Variants in MRTFA observed in about 807,000 individuals in gnomAD.
MRTFA encodes the protein myocardin-related transcription factor A.
Under a neutral mutation model 83.5 loss-of-function variants are expected in MRTFA, and 20 were observed. The ratio of observed to expected loss-of-function variants is 0.24; its 90% CI spans 0.17 to 0.35. The LOEUF (loss-of-function observed/expected upper bound fraction) is 0.35. Ranked by LOEUF, MRTFA falls within the 10% of genes least tolerant of loss-of-function variation. The pLI, the probability that MRTFA is intolerant of heterozygous loss-of-function variation, is 1.00. For synonymous variants in MRTFA, 659 were observed against 541.2 expected (o/e 1.22, Z -3.02); for missense variants, 1,200 against 1,224.7 (o/e 0.98, Z 0.30).
At chr22:40,422,165 G>A (rs1041767847) in intron 9 of MRTFA, among the ~76,000 whole-genome samples, 33 of 151,994 alleles carry the variant, frequency 2.2e-4, no homozygotes, top group Admixed American at 5.9e-4. Context: ...GCAGAGAGGA[G>A]GCAGAGGGCA....
At position 40,410,520 on chromosome 22, in the gene MRTFA, T is replaced by G. The variant is rs967012443; in HGVS notation, c.*870A>C. The G allele has an allele frequency of 8.6e-6, 2 of 233,140 alleles. No homozygotes were observed. The highest frequency in any genetic ancestry group is 4.4e-5 in the African/African-American group (2 of 45,288). The allele number at this position is 233,140 out of a possible 1,614,324, so 14.4% of individuals were successfully genotyped here. ...GCAGTGAGGCGGCGGGGACGGAATG[T>G]GAGTGGGTGGAGAGCTCCTGGCAGG... On this transcript the variant is annotated 3_prime_UTR_variant, in exon 15 of 15. Coordinates refer to ENST00000355630, the MANE Select transcript of MRTFA (RefSeq NM_020831.6).
chr22:40,555,167 G>C (rs1037636989), intron 2 of MRTFA, among the ~76,000 whole-genome samples: 2 of 152,198 alleles, frequency 1.3e-5, no homozygotes, highest in African/African-American at 4.8e-5. Flanking sequence ...GCTGCAATGA[G>C]TTAAGACTTT....
In MRTFA at chr22:40,593,688, T is replaced by C. The variant is rs150519627; in HGVS notation, c.-22+986A>G. Among the ~76,000 whole-genome samples the C allele has an allele frequency of 1.2e-4, 19 of 152,338 alleles. No individual in the cohort carries two copies. The East Asian group carries it at 2.5e-3, about 20-fold the overall frequency. On this transcript the variant is annotated intron_variant, in intron 2 of 14. Transcript: ENST00000355630. ...GCTATAGGAAGTGGCTACACTGTTT[T>C]TCCCTGTAGCAATGTACTAATCTCT...
rs201141156 is a variant in MRTFA, at chr22:40,416,970, G to A, written c.2578+16C>T. On this transcript the variant is annotated intron_variant, in intron 14 of 14. Transcript: ENST00000355630. The surrounding 1 kb of genome is among the most constrained non-coding windows in gnomAD (Gnocchi z 4.2). ...AGAGAAGGCCGTCAGGGAGGCAGCA[G>A]GGGACCTGGGGTTACCTCCGCTCTG... 1.6e-5 allele frequency: 25 copies of A among 1,587,690 alleles called. No individual in the cohort carries two copies. The East Asian group carries it at 5.0e-4, about 32-fold the overall frequency.
At chr22:40,452,670 C>T (rs530293869) in intron 4 of MRTFA, among the ~76,000 whole-genome samples, 46 of 151,756 alleles carry the variant, frequency 3.0e-4, no homozygotes, top group African/African-American at 8.9e-4. Flanking sequence ...ATTAGCCGGG[C>T]GTGGGTGGCA....
intron 7 of MRTFA, among the ~76,000 whole-genome samples, chr22:40,426,554 T>C (rs1193924370): frequency 1.3e-5 from 2 of 152,134 alleles, no homozygotes; most frequent in East Asian, 1.9e-4. Context: ...ATCACCCCAT[T>C]GCCAAATTCC....
At position 40,466,925 on chromosome 22, in the gene MRTFA, T is replaced by C. The variant is rs1243758237; in HGVS notation, c.242-3639A>G. ...GATTACAGTAAAGGCATATTCAGCT[T>C]ATATATACATACACATATACACAAC... On this transcript the variant is annotated intron_variant, in intron 3 of 14. Coordinates refer to ENST00000355630, the MANE Select transcript of MRTFA (RefSeq NM_020831.6). 2.6e-5 allele frequency among the ~76,000 whole-genome samples: 4 copies of C among 151,768 alleles called. No homozygotes were observed. The East Asian group carries it at 7.7e-4, about 29-fold the overall frequency.
At chr22:40,427,249 CAGGATGA>C (rs2052973866) in intron 7 of MRTFA, among the ~76,000 whole-genome samples, 2 of 152,110 alleles carry the variant, frequency 1.3e-5, no homozygotes, top group Non-Finnish European at 2.9e-5. Context: ...TGAGATGAGG[CAGGATGA>C]ACGCCAGGGA....
chr22:40,592,481 ATTTT>A, intron 2 of MRTFA, among the ~76,000 whole-genome samples: 1 of 138,288 alleles, frequency 7.2e-6, no homozygotes, highest in Non-Finnish European at 1.6e-5. Flanking sequence ...ATCTGTGGAC[ATTTT>A]TTTTTTCTTT....
intron 9 of MRTFA, among the ~76,000 whole-genome samples, chr22:40,422,661 T>A (rs2052866239): frequency 6.6e-6 from 1 of 152,202 alleles, no homozygotes; most frequent in Non-Finnish European, 1.5e-5. Context: ...GACAGGGTCA[T>A]GTGCAGAGGC....
chr22:40,501,848 CG>C (rs1456183367), intron 3 of MRTFA, among the ~76,000 whole-genome samples: 22 of 65,772 alleles, frequency 3.3e-4, no homozygotes, highest in African/African-American at 1.7e-3. Flanking sequence ...GCTGGCCGGG[CG>C]GGGGGCTGAC....
At chr22:40,562,788 G>A (rs1007143306) in intron 2 of MRTFA, among the ~76,000 whole-genome samples, 6 of 138,880 alleles carry the variant, frequency 4.3e-5, no homozygotes, top group African/African-American at 1.6e-4. Flanking sequence ...AAACATGGGG[G>A]TGAATAACAG....
intron 3 of MRTFA, among the ~76,000 whole-genome samples, chr22:40,550,779 G>T (rs1054698794): frequency 1.3e-5 from 2 of 151,528 alleles, no homozygotes; most frequent in Non-Finnish European, 2.9e-5. Flanking sequence ...GAAGATTTAC[G>T]CAAAGTACAT....
chr22:40,427,713 T>C (rs2052984585), intron 7 of MRTFA, among the ~76,000 whole-genome samples: 1 of 152,206 alleles, frequency 6.6e-6, no homozygotes, highest in Admixed American at 6.5e-5. Flanking sequence ...TCTTCAGTTA[T>C]GTATAACAAG....
At chr22:40,421,506 G>A (rs2052839473) in intron 9 of MRTFA, among the ~76,000 whole-genome samples, 1 of 152,184 alleles carries the variant, frequency 6.6e-6, no homozygotes, top group African/African-American at 2.4e-5. Flanking sequence ...GCTCTTTTTG[G>A]GGCTGGGGGG....
intron 3 of MRTFA, among the ~76,000 whole-genome samples, chr22:40,518,564 T>C (rs533329013): frequency 2.6e-5 from 4 of 151,664 alleles, no homozygotes; most frequent in South Asian, 2.1e-4. Flanking sequence ...GAGGCCGAGG[T>C]GGGCGGATCA....
intron 3 of MRTFA, among the ~76,000 whole-genome samples, chr22:40,481,856 C>T (rs952094166): frequency 2.0e-5 from 3 of 151,976 alleles, no homozygotes; most frequent in African/African-American, 4.8e-5. Context: ...GTCAGGAGAT[C>T]GAGACCATCC....
chr22:40,602,348 T>C (rs12159725), intron 1 of MRTFA, among the ~76,000 whole-genome samples: 4,189 of 152,266 alleles, frequency 0.028, 171 homozygotes, highest in African/African-American at 0.081. Flanking sequence ...CTAAGGGATA[T>C]GGGAGTATAG....
intron 1 of MRTFA, among the ~76,000 whole-genome samples, chr22:40,595,522 T>G (rs1225489195): frequency 6.6e-6 from 1 of 152,172 alleles, no homozygotes; most frequent in Non-Finnish European, 1.5e-5. Flanking sequence ...ATTTACTTCT[T>G]GAGTCCTCAC....
Sources: allele counts gnomAD v4.1 joint callset (sites outside exome capture counted in the v4.1 genomes callset), GRCh38; gene constraint gnomAD v4.1.1; non-coding constraint Gnocchi (gnomAD v3.1); transcripts MANE v1.5; gene names NCBI Gene and HGNC (gene_info 2026-07-23, HGNC 2026-07-21).